RSPO4: variants seen among roughly 807,000 people sequenced by gnomAD.
The protein encoded by RSPO4 is R-spondin-4.
Under a neutral mutation model 24.8 loss-of-function variants are expected in RSPO4, and 23 were observed. The observed-to-expected ratio is 0.93, with a 90% CI of 0.67 to 1.31. The LOEUF (loss-of-function observed/expected upper bound fraction) is 1.31, where lower values mean the gene tolerates loss of function less well. Ranked by LOEUF, RSPO4 falls within the 40% of genes most tolerant of loss-of-function variation. RSPO4 has a pLI of 0.00. For missense variants in RSPO4, 333 were observed against 316.5 expected (o/e 1.05, Z -0.39); for synonymous variants, 141 against 127.4 (o/e 1.11, Z -0.72).
intron 1 of RSPO4, among the ~76,000 whole-genome samples, chr20:998,897 T>C (rs1017232733): frequency 6.6e-6 from 1 of 152,094 alleles, no homozygotes; most frequent in African/African-American, 2.4e-5. Flanking sequence ...CCCTGAGGGA[T>C]TGTGTACAGA....
At chr20:967,388 G>A (rs1660777703) in intron 2 of RSPO4, 74 bp from the exon 3 acceptor site, 32 of 1,522,014 alleles carry the variant, frequency 2.1e-5, no homozygotes, top group Non-Finnish European at 2.8e-5. Flanking sequence ...GCCCGAGGTG[G>A]AAGGCCCTCT....
At chr20:989,459 C>T (rs1461335920) in intron 1 of RSPO4, among the ~76,000 whole-genome samples, 2 of 152,182 alleles carry the variant, frequency 1.3e-5, no homozygotes, top group African/African-American at 4.8e-5. Context: ...TAGGAGGATC[C>T]TAAGGTTGTG....
chr20:984,424 G>C (rs180756806), intron 1 of RSPO4, among the ~76,000 whole-genome samples: 326 of 152,268 alleles, frequency 2.1e-3, no homozygotes, highest in African/African-American at 7.5e-3. Flanking sequence ...CAGGAAAGGG[G>C]GCCAGGTCTA....
At chr20:1,000,110 C>T (rs1306629965) in intron 1 of RSPO4, among the ~76,000 whole-genome samples, 3 of 152,114 alleles carry the variant, frequency 2.0e-5, no homozygotes, top group Non-Finnish European at 4.4e-5. Flanking sequence ...CTCAAATGAT[C>T]CGCCTGCCTT....
At chr20:961,831 A>G (rs2122205583) in intron 4 of RSPO4, among the ~76,000 whole-genome samples, 1 of 151,548 alleles carries the variant, frequency 6.6e-6, no homozygotes, top group South Asian at 2.1e-4. Flanking sequence ...CTATTCACCC[A>G]TCTACTCACC....
chr20:960,655 A>G (rs541035850), intron 4 of RSPO4, among the ~76,000 whole-genome samples, 189 bp from the exon 5 acceptor site: 1 of 152,254 alleles, frequency 6.6e-6, no homozygotes, highest in African/African-American at 2.4e-5. Flanking sequence ...CCCAAACTGA[A>G]CCTTTCTCTC....
chr20:979,923 T>C (rs1364400304), intron 1 of RSPO4, among the ~76,000 whole-genome samples: 3 of 152,020 alleles, frequency 2.0e-5, no homozygotes, highest in African/African-American at 7.3e-5. Context: ...AGGTTCTAAA[T>C]TTGGCAAGTG....
chr20:988,018 G>A (rs35769229), intron 1 of RSPO4, among the ~76,000 whole-genome samples: 420 of 152,368 alleles, frequency 2.8e-3, no homozygotes, highest in Non-Finnish European at 3.9e-3. Flanking sequence ...AGAGTGGCAG[G>A]AGGGAGGGCC....
chr20:1,000,864 C>A (rs574538317), intron 1 of RSPO4, among the ~76,000 whole-genome samples: 1 of 152,186 alleles, frequency 6.6e-6, no homozygotes, highest in South Asian at 2.1e-4. Flanking sequence ...GCCACAGTCT[C>A]CCCAACCCCA....
At position 958,651 on chromosome 20, in the gene RSPO4, G is replaced by GT. The variant is rs1221280893; in HGVS notation, c.*1705_*1706insA. The GT allele has an allele frequency of 6.6e-5, 10 of 151,708 alleles. No homozygotes were observed. Among genetic ancestry groups the GT allele is most frequent in the African/African-American group, 1.9e-4 (8 of 41,322 alleles). 9.4% of individuals were successfully genotyped at this position (151,708 alleles called of 1,614,324 possible). A position where few individuals can be genotyped will look rare whatever the true frequency, so the allele number is the denominator to read the frequency against. On this transcript the variant is annotated 3_prime_UTR_variant, in exon 5 of 5. Coordinates refer to ENST00000217260, the MANE Select transcript of RSPO4 (RefSeq NM_001029871.4). ...GAGAGAGGGTGGGCCTGCTGGGAGG[G>GT]GGGGGTTCAGGCCAGGGCTCCCCAG... is the stretch of plus-strand genomic sequence containing the variant.
intron 4 of RSPO4, among the ~76,000 whole-genome samples, chr20:960,971 C>T (rs958339333): frequency 4.6e-5 from 7 of 152,226 alleles, no homozygotes; most frequent in Non-Finnish European, 8.8e-5. Flanking sequence ...TTTATGTATA[C>T]GAAACTCACA....
intron 1 of RSPO4, among the ~76,000 whole-genome samples, chr20:992,365 C>T (rs749782324): frequency 1.4e-5 from 2 of 148,058 alleles, no homozygotes; most frequent in East Asian, 2.0e-4. Flanking sequence ...GAGGGTGGGT[C>T]ACTGTGCCAC....
intron 1 of RSPO4, among the ~76,000 whole-genome samples, chr20:993,207 TG>T (rs1182675023): frequency 6.6e-6 from 1 of 152,166 alleles, no homozygotes; most frequent in Non-Finnish European, 1.5e-5. Context: ...CCCTCCGCAA[TG>T]GCACATCAGA....
At chr20:976,371 G>A (rs1984560092) in intron 1 of RSPO4, among the ~76,000 whole-genome samples, 2 of 152,216 alleles carry the variant, frequency 1.3e-5, no homozygotes, top group African/African-American at 4.8e-5. Context: ...GGATGGTGAA[G>A]TGCTCAGGGC....
intron 1 of RSPO4, among the ~76,000 whole-genome samples, chr20:993,370 TC>T: frequency 1.3e-5 from 2 of 152,274 alleles, no homozygotes; most frequent in Middle Eastern, 6.8e-3. Context: ...AGCAGACCAT[TC>T]CCGAAGGGAT....
chr20:994,014 T>C (rs376616902), intron 1 of RSPO4, among the ~76,000 whole-genome samples: 12 of 152,310 alleles, frequency 7.9e-5, no homozygotes, highest in African/African-American at 2.9e-4. Context: ...ATAGGAATGC[T>C]ACTGCCCACT....
chr20:999,163 T>A (rs1985387588), intron 1 of RSPO4, among the ~76,000 whole-genome samples: 1 of 152,004 alleles, frequency 6.6e-6, no homozygotes. Context: ...GCCTGGCTAT[T>A]TTTTGTATTT....
At chr20:994,162 C>T (rs867511073) in intron 1 of RSPO4, among the ~76,000 whole-genome samples, 2 of 152,200 alleles carry the variant, frequency 1.3e-5, no homozygotes, top group Non-Finnish European at 2.9e-5. Context: ...AAATGCTCAA[C>T]CACGAAACAA....
chr20:971,416 T>C (rs1457420306), intron 1 of RSPO4, among the ~76,000 whole-genome samples: 1 of 152,260 alleles, frequency 6.6e-6, no homozygotes. Context: ...AAGATATTTA[T>C]TGCAGCATTA....
Sources: gnomAD v4.1 joint callset for allele counts (sites outside exome capture counted in the v4.1 genomes callset) on GRCh38, gnomAD v4.1.1 for gene constraint, MANE v1.5 for transcripts, NCBI Gene and HGNC (gene_info 2026-07-23, HGNC 2026-07-21) for gene names.